The following MALRD1 variants were observed in gnomAD, a reference collection of about 807,000 sequenced individuals.
The protein encoded by MALRD1 is MAM and LDL receptor class A domain containing 1, also known as MAM and LDL-receptor class A domain-containing protein 1.
Under a neutral mutation model 242.1 loss-of-function variants are expected in MALRD1, and 247 were observed. The observed-to-expected ratio is 1.02, with a 90% CI of 0.92 to 1.13. MALRD1 has a LOEUF of 1.13. MALRD1 is among the 50% of genes most tolerant of loss of function. The pLI, the probability that MALRD1 is intolerant of heterozygous loss-of-function variation, is 0.00. For missense variants in MALRD1, 2,989 were observed against 2,533.1 expected, an observed-to-expected ratio of 1.18 and a Z score of -3.86; for synonymous variants, 995 against 866.6, an observed-to-expected ratio of 1.15 and a Z score of -2.60.
At position 19,331,478 on chromosome 10, in the gene MALRD1, A is replaced by C. The variant is rs7100382; in HGVS notation, c.3797A>C (p.Asp1266Ala). The change falls in exon 24 of 40, where the codon GAT becomes GCT. Residue 1266 changes from aspartate (D) to alanine (A), a missense_variant. Coordinates refer to ENST00000454679, the MANE Select transcript of MALRD1 (RefSeq NM_001142308.3). The stretch of plus-strand genomic sequence containing the variant: ...CTTAGCCCAGAGAGAAAGTGTACTG[A>C]TCATGAATTCATGTGTGCTAATAAG... The part of the protein sequence containing the change: ...PLLSPERKCT[D>A]HEFMCANKHC... 932,355 of 1,549,768 alleles carry C rather than the reference A, an allele frequency of 0.6. 282,934 individuals carry two copies. Among genetic ancestry groups the C allele is most frequent in the African/African-American group, 0.73 (53,395 of 73,048 alleles).
chr10:19,451,964 G>A (rs1432552870), intron 29 of MALRD1, among the ~76,000 whole-genome samples: 1 of 152,108 alleles, frequency 6.6e-6, no homozygotes, highest in Non-Finnish European at 1.5e-5. Flanking sequence ...GTGTCTTAAT[G>A]AAAGAAGATG....
intron 38 of MALRD1, among the ~76,000 whole-genome samples, chr10:19,700,534 G>A (rs531941505): frequency 5.1e-4 from 78 of 152,114 alleles, no homozygotes; most frequent in Non-Finnish European, 8.8e-4. Context: ...AAAAATAGGA[G>A]CACTTTCATA....
At chr10:19,702,653 T>C (rs566026623) in intron 38 of MALRD1, among the ~76,000 whole-genome samples, 15 of 152,312 alleles carry the variant, frequency 9.8e-5, no homozygotes, top group African/African-American at 3.1e-4. Context: ...CATAATGATA[T>C]TACAAGTTAA....
intron 4 of MALRD1, 50 bp from the exon 5 acceptor site, chr10:19,103,929 G>A (rs1233820891): frequency 9.1e-7 from 1 of 1,099,854 alleles, no homozygotes; most frequent in Non-Finnish European, 1.2e-6. Flanking sequence ...AGACAGTGAT[G>A]TTCCTTGCTT....
chr10:19,159,464 T>A (rs1834302507), intron 12 of MALRD1, among the ~76,000 whole-genome samples: 1 of 152,018 alleles, frequency 6.6e-6, no homozygotes, highest in African/African-American at 2.4e-5. Flanking sequence ...GGGTCTGATG[T>A]GAAGCAGAGA....
chr10:19,667,075 C>T lies in MALRD1; in HGVS notation c.6138-25207C>T, dbSNP rs1332245533. 2.0e-5 allele frequency among the ~76,000 whole-genome samples: 3 copies of T among 152,116 alleles called. No homozygotes were observed. In the East Asian group the frequency reaches 5.8e-4, roughly 29 times the overall value. ...CTACCCTGTAAGGATTCTTTGATAT[C>T]CAAACTCCAGCTGCACCCCAGAAGG... On this transcript the variant is annotated intron_variant, in intron 36 of 39. Coordinates refer to ENST00000454679, the MANE Select transcript of MALRD1 (RefSeq NM_001142308.3).
chr10:19,658,068 A>C (rs1841248461), intron 36 of MALRD1, among the ~76,000 whole-genome samples: 1 of 152,076 alleles, frequency 6.6e-6, no homozygotes, highest in Non-Finnish European at 1.5e-5. Flanking sequence ...GAATCTCTTG[A>C]ACCCAGGAGG....
chr10:19,424,532 T>C (rs983401870), intron 28 of MALRD1, among the ~76,000 whole-genome samples: 1 of 152,206 alleles, frequency 6.6e-6, no homozygotes, highest in African/African-American at 2.4e-5. Context: ...AATACTCACT[T>C]TTCTACACAA....
intron 38 of MALRD1, among the ~76,000 whole-genome samples, chr10:19,711,669 C>T (rs904647452): frequency 3.3e-5 from 5 of 152,134 alleles, no homozygotes; most frequent in Non-Finnish European, 5.9e-5. Flanking sequence ...AATAGAACAG[C>T]CTGTGTATAT....
rs1044822715 is a variant in MALRD1, at chr10:19,329,888, A to G, written c.3688-1481A>G. On this transcript the variant is annotated intron_variant, in intron 23 of 39. Coordinates refer to ENST00000454679, the MANE Select transcript of MALRD1 (RefSeq NM_001142308.3). ...TAAGTGATGATTTGATTATTTGAAC[A>G]AGGCAAGTATCTGAGATTGTACCTA... Among the ~76,000 whole-genome samples the G allele has an allele frequency of 5.3e-5, 8 of 152,320 alleles. No individual in the cohort carries two copies. The South Asian group carries it at 8.3e-4, about 16-fold the overall frequency.
At chr10:19,150,362 A>G (rs1416154910) in intron 11 of MALRD1, among the ~76,000 whole-genome samples, 1 of 152,072 alleles carries the variant, frequency 6.6e-6, no homozygotes, top group Non-Finnish European at 1.5e-5. Context: ...TCTCCAATCC[A>G]TGCACACGAT....
intron 34 of MALRD1, among the ~76,000 whole-genome samples, chr10:19,606,032 A>G (rs1274202365): frequency 6.6e-6 from 1 of 152,148 alleles, no homozygotes; most frequent in East Asian, 1.9e-4. Context: ...GTCAATGGAG[A>G]TACATATTCT....
At chr10:19,673,535 T>G (rs1487856808) in intron 36 of MALRD1, among the ~76,000 whole-genome samples, 1 of 152,262 alleles carries the variant, frequency 6.6e-6, no homozygotes, top group African/African-American at 2.4e-5. Context: ...TTCACATCTA[T>G]AAATGACACT....
At chr10:19,237,700 AAT>A (rs1441734959) in intron 18 of MALRD1, among the ~76,000 whole-genome samples, 2 of 117,178 alleles carry the variant, frequency 1.7e-5, no homozygotes, top group African/African-American at 6.7e-5. Context: ...ATAAATACAT[AAT>A]TATATATATA....
chr10:19,542,960 CTT>C (rs895281048), intron 32 of MALRD1, among the ~76,000 whole-genome samples: 12 of 152,104 alleles, frequency 7.9e-5, no homozygotes, highest in Non-Finnish European at 1.6e-4. Context: ...AAATAGCCCT[CTT>C]TGTAGTTTCC....
intron 29 of MALRD1, among the ~76,000 whole-genome samples, chr10:19,467,836 C>G (rs1242915762): frequency 1.3e-5 from 2 of 151,240 alleles, no homozygotes; most frequent in African/African-American, 4.9e-5. Context: ...CTCTGTTGCC[C>G]AGGCTGGAGT....
intron 36 of MALRD1, among the ~76,000 whole-genome samples, chr10:19,628,530 T>A (rs908123433): frequency 2.6e-5 from 4 of 151,940 alleles, no homozygotes; most frequent in African/African-American, 7.3e-5. Flanking sequence ...TATATTAAGA[T>A]CCTATTTGGA....
At chr10:19,629,455 T>C (rs1048989664) in intron 36 of MALRD1, among the ~76,000 whole-genome samples, 22 of 152,038 alleles carry the variant, frequency 1.4e-4, no homozygotes, top group Admixed American at 1.4e-3. Context: ...GAACAAGAAA[T>C]AGCTGTCTAG....
At chr10:19,485,624 C>T (rs1174263797) in intron 29 of MALRD1, among the ~76,000 whole-genome samples, 1 of 143,938 alleles carries the variant, frequency 6.9e-6, no homozygotes, top group Non-Finnish European at 1.5e-5. Context: ...GCCTGGGCGA[C>T]AGAGCAAGAC....
Sources: gnomAD v4.1 joint callset for allele counts (sites outside exome capture counted in the v4.1 genomes callset) on GRCh38, gnomAD v4.1.1 for gene constraint, MANE v1.5 for transcripts, NCBI Gene and HGNC (gene_info 2026-07-23, HGNC 2026-07-21) for gene names.